THAP8: variants seen among roughly 807,000 people sequenced by gnomAD.
THAP8 encodes THAP domain-containing protein 8.
THAP8 carries 24 observed loss-of-function variants against 25.0 expected under a neutral mutation model. That is an observed-to-expected ratio of 0.96 (90% CI 0.69 to 1.35). The LOEUF (loss-of-function observed/expected upper bound fraction) is 1.35, where lower values mean the gene tolerates loss of function less well. THAP8 is among the 40% of genes most tolerant of loss of function. THAP8 has a pLI of 0.00. For missense variants in THAP8, 399 were observed against 368.8 expected (o/e 1.08, Z -0.67); for synonymous variants, 169 against 157.6 (o/e 1.07, Z -0.54).
intron 3 of THAP8, among the ~76,000 whole-genome samples, chr19:36,038,170 C>T (rs1166834670): frequency 1.3e-5 from 2 of 152,112 alleles, no homozygotes; most frequent in African/African-American, 2.4e-5. Flanking sequence ...TTCAAACTCC[C>T]GAACTCAAGC....
intron 1 of THAP8, among the ~76,000 whole-genome samples, chr19:36,050,064 A>C (rs192774257): frequency 0.018 from 2,769 of 152,056 alleles, 84 homozygotes; most frequent in African/African-American, 0.064. Context: ...AAAAAAAAAA[A>C]AAAAAAAAAG....
chr19:36,038,929 CTG>C (rs1433559588), intron 3 of THAP8, among the ~76,000 whole-genome samples: 3 of 152,098 alleles, frequency 2.0e-5, no homozygotes, highest in Non-Finnish European at 4.4e-5. Context: ...TGTTATAACT[CTG>C]TGTCTGGCAG....
In THAP8 at chr19:36,039,450, C is replaced by T. The variant is rs369093022; in HGVS notation, c.545G>A (p.Arg182His). The change falls in exon 3 of 4, where the codon CGC (arginine) becomes CAC (histidine). Residue 182 changes from arginine to histidine, a missense_variant. Physicochemically the swap from Arg to His is conservative, Grantham distance 29. Transcript: ENST00000292894. ...GCACCGTTGCAGCCTCCGCACCCGG[C>T]GTTGCAGTGCTCCCAGCACTGGGCC... is the stretch of plus-strand genomic sequence containing the variant. ...GLGPVLGALQ[R>H]RVRRLQRCQE... 5 of 1,596,436 alleles carry T rather than the reference C, an allele frequency of 3.1e-6. No homozygotes were observed. The highest frequency in any genetic ancestry group is 2.7e-5 in the African/African-American group (2 of 74,522).
intron 1 of THAP8, 74 bp from the exon 2 acceptor site, chr19:36,040,210 G>T: frequency 6.9e-7 from 1 of 1,444,630 alleles, no homozygotes. Flanking sequence ...TACCCACCCT[G>T]GAGGTCTCTG....
At chr19:36,048,433 T>C (rs1343468601) in intron 1 of THAP8, among the ~76,000 whole-genome samples, 1 of 151,916 alleles carries the variant, frequency 6.6e-6, no homozygotes, top group Non-Finnish European at 1.5e-5. Flanking sequence ...TGGCGCGATC[T>C]TGGCTGACTG....
rs778511826 is a variant in THAP8, at chr19:36,054,213, G to A, written c.5C>T (p.Pro2Leu). ...GCAGTTCGGCGCCCTGCAGTACTTG[G>A]GCATGGCTATCCAGCCCCCGCTGAG... MPKYCRAPNCSN... is the reference protein window; with the variant it reads MLKYCRAPNCSN... The change falls in exon 1 of 4, where the codon CCC becomes CTC. Residue 2 changes from proline (P) to leucine (L), a missense_variant. By Grantham distance (98) the Pro-to-Leu change is moderately conservative (BLOSUM62 -3). Coordinates refer to ENST00000292894, the MANE Select transcript of THAP8 (RefSeq NM_152658.3). 6.2e-7 allele frequency: 1 copy of A among 1,613,534 alleles called. No individual in the cohort carries two copies. Among genetic ancestry groups the A allele is most frequent in the East Asian group, 2.2e-5 (1 of 44,876 alleles).
At chr19:36,036,818 G>A (rs972757058) in intron 3 of THAP8, among the ~76,000 whole-genome samples, 3 of 151,764 alleles carry the variant, frequency 2.0e-5, no homozygotes, top group African/African-American at 4.8e-5. Flanking sequence ...GCACGTGCCT[G>A]TAATCCCAGC....
At chr19:36,049,258 A>G (rs1233373746) in intron 1 of THAP8, among the ~76,000 whole-genome samples, 1 of 152,098 alleles carries the variant, frequency 6.6e-6, no homozygotes, top group East Asian at 1.9e-4. Context: ...ACAAAAAAAA[A>G]GGAGGCTGAG....
In THAP8 at chr19:36,035,838, G is replaced by A. The variant is rs79304145; in HGVS notation, c.673-246C>T. ...GCGGGGGCACAGACGCAGACACGTG[G>A]GGGAAAGAGATGTGCAGGCAGACAG... On this transcript the variant is annotated intron_variant, in intron 3 of 3. Coordinates refer to ENST00000292894, the MANE Select transcript of THAP8 (RefSeq NM_152658.3). 6.7e-3 allele frequency among the ~76,000 whole-genome samples: 1,018 copies of A among 152,104 alleles called. 15 individuals are homozygous for A. The highest frequency in any genetic ancestry group is 0.024 in the African/African-American group (980 of 41,474).
chr19:36,039,845 T>G, intron 2 of THAP8, 99 bp downstream of exon 2: 1 of 1,577,390 alleles, frequency 6.3e-7, no homozygotes. Context: ...GGAAGTGTCG[T>G]CAGGAGGGGA....
rs117870129 is a variant in THAP8 at position 36,042,765 on chromosome 19, T to C, written c.84-2629A>G. Among the ~76,000 whole-genome samples the C allele has an allele frequency of 6.3e-4, 96 of 152,080 alleles. 1 individual carries two copies. In the East Asian group the frequency reaches 0.018, roughly 28 times the overall value. On this transcript the variant is annotated intron_variant, in intron 1 of 3. Transcript: ENST00000292894. ...CAATGGAATTTTATTTTATTTAGTCTTTTTTTTGGGGGGAGGGAGGAGATG... is the reference window on the plus strand; with the variant it reads ...CAATGGAATTTTATTTTATTTAGTCCTTTTTTTGGGGGGAGGGAGGAGATG...
At position 36,039,629 on chromosome 19, in the gene THAP8, G is replaced by T. The variant is rs1221963759; in HGVS notation, c.366C>A (p.Ile122=). 2 of 1,509,002 alleles carry T rather than the reference G, an allele frequency of 1.3e-6. No homozygotes were observed. Among genetic ancestry groups the T allele is most frequent in the Non-Finnish European group, 1.8e-6 (2 of 1,126,938 alleles). The allele number at this position is 1,509,002 out of a possible 1,614,324, so 93.5% of individuals were successfully genotyped here. ...KNTPLPQSPA[I]PVSGPVRLVV... is the part of the protein sequence containing the mutation. ...CTAGGCGCACTGGGCCAGAGACTGGGATGGCAGGGCTCTGGGGCAGGGGTG... is the reference window on the plus strand; with the variant it reads ...CTAGGCGCACTGGGCCAGAGACTGGTATGGCAGGGCTCTGGGGCAGGGGTG... The change falls in exon 3 of 4, where the codon ATC becomes ATA. Residue 122 remains isoleucine, a synonymous_variant. Transcript: ENST00000292894.
intron 1 of THAP8, among the ~76,000 whole-genome samples, chr19:36,046,691 C>T (rs1013232778): frequency 6.6e-6 from 1 of 152,234 alleles, no homozygotes; most frequent in African/African-American, 2.4e-5. Flanking sequence ...TCTATTGCAA[C>T]AGCATTCCCC....
At chr19:36,047,936 G>A (rs1180357211) in intron 1 of THAP8, among the ~76,000 whole-genome samples, 1 of 152,076 alleles carries the variant, frequency 6.6e-6, no homozygotes, top group Non-Finnish European at 1.5e-5. Flanking sequence ...TGTATATGAG[G>A]GAAAATAAAC....
intron 3 of THAP8, 137 bp from the exon 4 acceptor site, chr19:36,035,729 T>G (rs1256193882): frequency 3.1e-6 from 3 of 959,644 alleles, no homozygotes; most frequent in South Asian, 3.5e-5. Flanking sequence ...TGGGGAGAGA[T>G]ATGAGGAGAC....
chr19:36,046,070 C>T (rs934687204), intron 1 of THAP8: 46 of 363,126 alleles, frequency 1.3e-4, no homozygotes, highest in African/African-American at 9.0e-4. Flanking sequence ...ACCCAAATCT[C>T]ATCTTGAACT....
chr19:36,040,977 A>C (rs548859660), intron 1 of THAP8, among the ~76,000 whole-genome samples: 1 of 152,064 alleles, frequency 6.6e-6, no homozygotes, highest in Admixed American at 6.6e-5. Context: ...TTTTAAGACA[A>C]TTGGGGAAAA....
intron 1 of THAP8, among the ~76,000 whole-genome samples, chr19:36,051,154 T>C (rs571933089): frequency 6.6e-6 from 1 of 152,024 alleles, no homozygotes; most frequent in Non-Finnish European, 1.5e-5. Flanking sequence ...CAGTTTTCCA[T>C]AGGGTGGTAG....
chr19:36,048,855 A>AC (rs1208451563), intron 1 of THAP8, among the ~76,000 whole-genome samples: 3 of 134,138 alleles, frequency 2.2e-5, no homozygotes, highest in African/African-American at 5.6e-5. Flanking sequence ...AAAAAAAAAA[A>AC]ACAAAAAAAC....
Sources: gnomAD v4.1 joint callset for allele counts (sites outside exome capture counted in the v4.1 genomes callset) on GRCh38, gnomAD v4.1.1 for gene constraint, MANE v1.5 for transcripts, NCBI Gene and HGNC (gene_info 2026-07-23, HGNC 2026-07-21) for gene names.